TRPM3: variants seen among roughly 807,000 people sequenced by gnomAD.
TRPM3 encodes the protein long transient receptor potential channel 3.
In TRPM3, 77 loss-of-function variants were observed where a neutral mutation model predicts 181.2. That is an observed-to-expected ratio of 0.42 (90% CI 0.35 to 0.51). TRPM3 has a LOEUF of 0.51. Among genes scored for constraint, TRPM3 ranks in the 20% least tolerant of loss-of-function variants. The pLI, the probability that TRPM3 is intolerant of heterozygous loss-of-function variation, is 0.01. For missense variants in TRPM3, 1,759 were observed against 2,196.7 expected (o/e 0.80, Z 3.98); for synonymous variants, 745 against 796.4 (o/e 0.94, Z 1.09).
chr9:71,296,604 A>G (rs1263047909), intron 1 of TRPM3, among the ~76,000 whole-genome samples: 1 of 152,182 alleles, frequency 6.6e-6, no homozygotes, highest in Non-Finnish European at 1.5e-5. Context: ...GGAAACTCTG[A>G]AGGTTACAGT....
intron 1 of TRPM3, among the ~76,000 whole-genome samples, chr9:71,315,953 C>T (rs902713827): frequency 6.6e-6 from 1 of 152,072 alleles, no homozygotes; most frequent in Admixed American, 6.6e-5. Flanking sequence ...CCTGTGGACC[C>T]TAAATATACT....
At chr9:70,614,104 G>C (rs2062391508) in intron 18 of TRPM3, among the ~76,000 whole-genome samples, 1 of 152,154 alleles carries the variant, frequency 6.6e-6, no homozygotes, top group South Asian at 2.1e-4. Flanking sequence ...GGCTGATGGA[G>C]TCTATATGCC....
chr9:70,686,699 T>TGGACAC (rs375403711), intron 8 of TRPM3, among the ~76,000 whole-genome samples: 2 of 78,734 alleles, frequency 2.5e-5, no homozygotes, highest in Non-Finnish European at 2.6e-5. Context: ...CCTTCCTTCC[T>TGGACAC]TCCTTCCTTC....
chr9:71,289,395 A>C (rs2085588842), intron 1 of TRPM3, among the ~76,000 whole-genome samples: 1 of 152,166 alleles, frequency 6.6e-6, no homozygotes. Flanking sequence ...AAATGCATTG[A>C]ACAGATGAAG....
chr9:71,353,876 A>G (rs1436732544), intron 1 of TRPM3, among the ~76,000 whole-genome samples: 1 of 152,206 alleles, frequency 6.6e-6, no homozygotes, highest in East Asian at 1.9e-4. Flanking sequence ...GCCAAAAAGG[A>G]GTTTAGAAAA....
At chr9:71,129,329 G>A (rs1470628933) in intron 1 of TRPM3, among the ~76,000 whole-genome samples, 2 of 152,080 alleles carry the variant, frequency 1.3e-5, no homozygotes, top group African/African-American at 4.8e-5. Context: ...TTGAAATCAG[G>A]GAGAAACAGA....
At chr9:71,354,501 A>C (rs752977947) in intron 1 of TRPM3, among the ~76,000 whole-genome samples, 53 of 152,216 alleles carry the variant, frequency 3.5e-4, no homozygotes, top group Non-Finnish European at 6.5e-4. Context: ...TTATCCAATT[A>C]CAACTTATCC....
intron 1 of TRPM3, among the ~76,000 whole-genome samples, chr9:71,033,164 C>T (rs11142674): frequency 1.3e-5 from 2 of 152,142 alleles, no homozygotes; most frequent in African/African-American, 4.8e-5. Flanking sequence ...GCTTGTAGCC[C>T]TTAAAGCAAA....
chr9:71,379,871 C>T (rs908689505), intron 1 of TRPM3, among the ~76,000 whole-genome samples: 2 of 151,916 alleles, frequency 1.3e-5, no homozygotes, highest in African/African-American at 4.8e-5. Flanking sequence ...GTCAAGAGAA[C>T]CATAGGGTCA....
intron 22 of TRPM3, among the ~76,000 whole-genome samples, chr9:70,566,125 A>G (rs1240855805): frequency 1.3e-5 from 2 of 152,206 alleles, no homozygotes; most frequent in African/African-American, 4.8e-5. Context: ...AAACAATAGC[A>G]TAATAGATAA....
chr9:71,187,847 G>T (rs572351798), intron 1 of TRPM3, among the ~76,000 whole-genome samples: 1 of 151,550 alleles, frequency 6.6e-6, no homozygotes. Context: ...ATATTCTTCT[G>T]CAACTCTCTG....
At chr9:71,415,027 G>T (rs1190405481) in intron 1 of TRPM3, among the ~76,000 whole-genome samples, 1 of 152,032 alleles carries the variant, frequency 6.6e-6, no homozygotes, top group Non-Finnish European at 1.5e-5. Flanking sequence ...GAGATGGGAA[G>T]ATTTTCCTGG....
chr9:70,996,717 A>G lies in TRPM3; in HGVS notation c.177+124461T>C, dbSNP rs572300379. On this transcript the variant is annotated intron_variant, in intron 1 of 25. Transcript: ENST00000677713. Reference sequence around the variant, plus strand: ...TGAATTTTTTTCTTTTCACTTTAACAGTAGCTTCAAGTTTTCTTTTTTGGT... The same window carrying G: ...TGAATTTTTTTCTTTTCACTTTAACGGTAGCTTCAAGTTTTCTTTTTTGGT... Among the ~76,000 whole-genome samples, 9 of 152,340 alleles carry G rather than the reference A, an allele frequency of 5.9e-5. No homozygotes were observed. In the South Asian group the frequency reaches 1.9e-3, roughly 32 times the overall value.
chr9:71,191,594 GAC>G (rs745678474), intron 1 of TRPM3, among the ~76,000 whole-genome samples: 1 of 151,690 alleles, frequency 6.6e-6, no homozygotes, highest in Non-Finnish European at 1.5e-5. Flanking sequence ...GGACTCCAGT[GAC>G]AGCCAATTTA....
chr9:70,880,243 A>G (rs2095962484), intron 1 of TRPM3, among the ~76,000 whole-genome samples: 1 of 152,130 alleles, frequency 6.6e-6, no homozygotes, highest in Non-Finnish European at 1.5e-5. Context: ...ATCATTATTT[A>G]AATTCAGCCA....
chr9:71,046,669 C>G (rs539721928), intron 1 of TRPM3, among the ~76,000 whole-genome samples: 2 of 152,266 alleles, frequency 1.3e-5, no homozygotes, highest in South Asian at 4.2e-4. Flanking sequence ...CTGGAGGAAT[C>G]TTCTTAACAA....
At chr9:71,322,297 T>G (rs1333121862) in intron 1 of TRPM3, among the ~76,000 whole-genome samples, 1 of 152,114 alleles carries the variant, frequency 6.6e-6, no homozygotes, top group Admixed American at 6.6e-5. Flanking sequence ...CCTGTGAATT[T>G]TGCACAGATA....
chr9:71,252,452 C>T (rs532051649), intron 1 of TRPM3, among the ~76,000 whole-genome samples: 1 of 152,040 alleles, frequency 6.6e-6, no homozygotes, highest in Non-Finnish European at 1.5e-5. Context: ...TGATACAAAC[C>T]GCCTCTGTCC....
At chr9:70,798,886 A>G (rs1186384498) in intron 6 of TRPM3, among the ~76,000 whole-genome samples, 1 of 152,186 alleles carries the variant, frequency 6.6e-6, no homozygotes, top group Non-Finnish European at 1.5e-5. Context: ...GACCTAGAGA[A>G]GAACATGCTG....
Sources: allele counts gnomAD v4.1 joint callset (sites outside exome capture counted in the v4.1 genomes callset), GRCh38; gene constraint gnomAD v4.1.1; transcripts MANE v1.5; gene names NCBI Gene and HGNC (gene_info 2026-07-23, HGNC 2026-07-21).